The following SORCS1 variants were observed in gnomAD, a reference collection of about 807,000 sequenced individuals.
SORCS1 encodes sortilin related VPS10 domain containing receptor 1.
SORCS1 carries 60 observed loss-of-function variants against 146.1 expected under a neutral mutation model. The observed-to-expected ratio is 0.41, with a 90% CI of 0.33 to 0.51. The LOEUF (loss-of-function observed/expected upper bound fraction) is 0.51. SORCS1 is among the 20% of genes least tolerant of loss of function. The pLI, the probability that SORCS1 is intolerant of heterozygous loss-of-function variation, is 0.21. For missense variants in SORCS1, 1,352 were observed against 1,487.6 expected (o/e 0.91, Z 1.50); for synonymous variants, 637 against 584.0 (o/e 1.09, Z -1.31).
chr10:106,798,943 C>G (rs1337241008), intron 3 of SORCS1, among the ~76,000 whole-genome samples: 1 of 152,142 alleles, frequency 6.6e-6, no homozygotes, highest in African/African-American at 2.4e-5. Context: ...GCCAAAAGAA[C>G]AAAGCTGGAG....
At chr10:106,951,541 G>A (rs1015597798) in intron 2 of SORCS1, among the ~76,000 whole-genome samples, 5 of 148,998 alleles carry the variant, frequency 3.4e-5, no homozygotes, top group African/African-American at 1.2e-4. Context: ...CGGAACACCT[G>A]GAGGACAGAG....
rs538616900 is a variant in SORCS1, at chr10:106,813,362, G to A, written c.726+16212C>T. ...TTGGCCAGGCTGTTCTCAAACTTCT[G>A]ACTTCGTGATCCTACCTACCTCGGC... On this transcript the variant is annotated intron_variant, in intron 3 of 25. Coordinates refer to ENST00000263054, the MANE Select transcript of SORCS1 (RefSeq NM_052918.5). Among the ~76,000 whole-genome samples, 12 of 151,670 alleles carry A rather than the reference G, an allele frequency of 7.9e-5. No homozygotes were observed. In the East Asian group the frequency reaches 2.4e-3, roughly 30 times the overall value.
intron 2 of SORCS1, among the ~76,000 whole-genome samples, chr10:106,839,823 T>C (rs1948946474): frequency 6.6e-6 from 1 of 152,212 alleles, no homozygotes; most frequent in African/African-American, 2.4e-5. Context: ...TCCATAAGAA[T>C]TATCCTAAAT....
chr10:106,695,102 C>T (rs1169577593), intron 9 of SORCS1, among the ~76,000 whole-genome samples: 2 of 152,212 alleles, frequency 1.3e-5, no homozygotes, highest in African/African-American at 4.8e-5. Context: ...ACACGATGCA[C>T]CGGACCATTC....
rs1188026909 is a variant in SORCS1 at position 106,684,263 on chromosome 10, A to G, written c.1560+3929T>C. Among the ~76,000 whole-genome samples the G allele has an allele frequency of 2.6e-5, 4 of 152,164 alleles. No individual in the cohort carries two copies. The East Asian group carries it at 5.8e-4, about 22-fold the overall frequency. On this transcript the variant is annotated intron_variant, in intron 10 of 25. Coordinates refer to ENST00000263054, the MANE Select transcript of SORCS1 (RefSeq NM_052918.5). ...CAAGGCAGGAGAATCACTTGAATCC[A>G]GGAGGCAGAGGTTGCAGTGAGCCGA...
chr10:107,152,464 C>A (rs1300053819), intron 1 of SORCS1, among the ~76,000 whole-genome samples: 1 of 152,198 alleles, frequency 6.6e-6, no homozygotes, highest in Non-Finnish European at 1.5e-5. Context: ...AAGCTACAGA[C>A]ACTCAATGCC....
At chr10:106,919,870 G>A (rs780062684) in intron 2 of SORCS1, among the ~76,000 whole-genome samples, 27 of 152,128 alleles carry the variant, frequency 1.8e-4, no homozygotes, top group Non-Finnish European at 2.9e-4. Flanking sequence ...TCTTAAAAGG[G>A]TTCTAGTTTG....
chr10:107,003,832 A>G (rs1305374435), intron 1 of SORCS1, among the ~76,000 whole-genome samples: 1 of 152,134 alleles, frequency 6.6e-6, no homozygotes, highest in Non-Finnish European at 1.5e-5. Flanking sequence ...GGGGCAGGGA[A>G]TAACAGAAAC....
chr10:107,048,602 G>A (rs984481787), intron 1 of SORCS1, among the ~76,000 whole-genome samples: 1 of 152,100 alleles, frequency 6.6e-6, no homozygotes, highest in Non-Finnish European at 1.5e-5. Context: ...ACTTATAAAT[G>A]AATATTTTAT....
chr10:107,164,327 G>A lies in SORCS1; in HGVS notation c.200C>T (p.Ala67Val). 1 of 1,552,236 alleles carries A rather than the reference G, an allele frequency of 6.4e-7. No individual in the cohort carries two copies. ...ACGCACTACGAGGGGCAGGGGCGTG[G>A]CAGGAGCCCTGCCTGGCCGCCCCTG... Reference protein sequence around the residue: ...SHQGRPGRAPATPLPLVVRPL... With the variant: ...SHQGRPGRAPVTPLPLVVRPL... The change falls in exon 1 of 26, where the codon GCC (alanine) becomes GTC (valine). Residue 67 changes from alanine to valine, a missense_variant. Ala to Val is a moderately conservative substitution (Grantham distance 64). This residue lies in a region of SORCS1 where 490 missense variants were observed against 489.1 expected (regional missense o/e 1.00). Coordinates refer to ENST00000263054, the MANE Select transcript of SORCS1 (RefSeq NM_052918.5). The surrounding 1 kb of genome is among the most constrained non-coding windows in gnomAD (Gnocchi z 6.8).
chr10:106,876,961 A>G (rs984866981), intron 2 of SORCS1, among the ~76,000 whole-genome samples: 1 of 152,192 alleles, frequency 6.6e-6, no homozygotes, highest in Non-Finnish European at 1.5e-5. Context: ...CTGGAGGACA[A>G]AGACTGTGCC....
intron 2 of SORCS1, among the ~76,000 whole-genome samples, chr10:106,855,125 T>C (rs1006629183): frequency 5.9e-5 from 9 of 152,162 alleles, no homozygotes; most frequent in Middle Eastern, 3.2e-3. Context: ...TTTTGAAAGA[T>C]AGTTTTGCAG....
intron 5 of SORCS1, among the ~76,000 whole-genome samples, chr10:106,740,672 T>G (rs1857299753): frequency 6.6e-6 from 1 of 152,188 alleles, no homozygotes; most frequent in African/African-American, 2.4e-5. Context: ...CTGGTTTCCA[T>G]CTATTAAGTG....
chr10:106,697,391 G>A (rs1853782486), intron 9 of SORCS1, among the ~76,000 whole-genome samples: 5 of 151,614 alleles, frequency 3.3e-5, no homozygotes, highest in Admixed American at 2.0e-4. Context: ...AGGAGGCGGA[G>A]ATTGCAGTGA....
intron 12 of SORCS1, among the ~76,000 whole-genome samples, chr10:106,678,412 G>T (rs766977635): frequency 2.0e-5 from 3 of 152,140 alleles, no homozygotes; most frequent in African/African-American, 4.8e-5. Context: ...TCTATAGAGG[G>T]TCTGAAGCTA....
chr10:106,974,318 C>G (rs1350788879), intron 1 of SORCS1, among the ~76,000 whole-genome samples: 1 of 152,120 alleles, frequency 6.6e-6, no homozygotes, highest in African/African-American at 2.4e-5. Flanking sequence ...AGACGGGAAT[C>G]TGGAAAGGTT....
intron 3 of SORCS1, among the ~76,000 whole-genome samples, chr10:106,821,877 G>A (rs527955504): frequency 3.3e-5 from 5 of 151,706 alleles, no homozygotes; most frequent in Admixed American, 1.3e-4. Context: ...AGCCGAGATC[G>A]TGCCACTGCA....
intron 23 of SORCS1, among the ~76,000 whole-genome samples, chr10:106,603,167 G>A (rs1393743750): frequency 6.6e-6 from 1 of 152,052 alleles, no homozygotes; most frequent in Non-Finnish European, 1.5e-5. Flanking sequence ...CCTCCCTACA[G>A]GAGAGACAGA....
chr10:106,692,740 G>C (rs1853393579), intron 9 of SORCS1, among the ~76,000 whole-genome samples: 1 of 152,032 alleles, frequency 6.6e-6, no homozygotes, highest in Non-Finnish European at 1.5e-5. Context: ...CCAAAACTTG[G>C]AATGTTTTAA....
Sources: allele counts gnomAD v4.1 joint callset (sites outside exome capture counted in the v4.1 genomes callset), GRCh38; gene constraint gnomAD v4.1.1; regional missense constraint gnomAD v4.1.1; non-coding constraint Gnocchi (gnomAD v3.1); transcripts MANE v1.5; gene names NCBI Gene and HGNC (gene_info 2026-07-23, HGNC 2026-07-21).